Variants in KLRG1 observed in about 807,000 individuals in gnomAD.
KLRG1 encodes killer cell lectin-like receptor subfamily G member 1.
Under a neutral mutation model 21.8 loss-of-function variants are expected in KLRG1, and 16 were observed. The observed-to-expected ratio is 0.73, with a 90% CI of 0.50 to 1.11. The LOEUF (loss-of-function observed/expected upper bound fraction) is 1.11. Among genes scored for constraint, KLRG1 ranks in the 50% most tolerant of loss-of-function variants. The pLI is 0.00. For missense variants in KLRG1, 173 were observed against 218.3 expected, an observed-to-expected ratio of 0.79 and a Z score of 1.31; for synonymous variants, 69 against 75.9, an observed-to-expected ratio of 0.91 and a Z score of 0.47.
the KLRG1 span, among the ~76,000 whole-genome samples, chr12:9,045,282 G>A: frequency 6.6e-6 from 1 of 152,136 alleles, no homozygotes. Context: ...TCGGACCTGT[G>A]AGGCTTAGAT....
At chr12:9,068,905 T>G in the KLRG1 span, 3 of 1,221,876 alleles carry the variant, frequency 2.5e-6, no homozygotes, top group South Asian at 3.0e-5. Context: ...TGAATTAGTT[T>G]AAGTATTCAC....
chr12:9,031,160 G>A, the KLRG1 span, among the ~76,000 whole-genome samples: 1 of 152,172 alleles, frequency 6.6e-6, no homozygotes, highest in Non-Finnish European at 1.5e-5. Flanking sequence ...GGTCACCCAG[G>A]GGCACCTTTA....
the KLRG1 span, chr12:9,192,415 G>T: frequency 7.8e-7 from 1 of 1,289,966 alleles, no homozygotes. Flanking sequence ...AACACAAGGT[G>T]GCTGTGTGCA....
At chr12:9,115,912 C>T in the KLRG1 span, 1 of 1,409,822 alleles carries the variant, frequency 7.1e-7, no homozygotes, top group South Asian at 1.2e-5. Flanking sequence ...TACAATCCAT[C>T]TGGTCCCAAA....
the KLRG1 span, among the ~76,000 whole-genome samples, chr12:9,094,340 C>CATATATATATATAT: frequency 8.2e-5 from 8 of 97,024 alleles, no homozygotes; most frequent in South Asian, 4.0e-4. Context: ...AAAAATTGTG[C>CATATATATATATAT]ATATATATAT....
the KLRG1 span, chr12:9,157,094 A>G: frequency 3.5e-5 from 48 of 1,381,080 alleles, 2 homozygotes; most frequent in South Asian, 6.1e-4. Flanking sequence ...CGCACCTCCC[A>G]GACAGGCCCC....
chr12:9,104,449 C>A, the KLRG1 span: 1 of 1,517,934 alleles, frequency 6.6e-7, no homozygotes, highest in African/African-American at 1.4e-5. Flanking sequence ...AACTAATAGG[C>A]ACCAAACATA....
chr12:9,090,781 C>T, the KLRG1 span, among the ~76,000 whole-genome samples: 5 of 152,212 alleles, frequency 3.3e-5, no homozygotes, highest in East Asian at 1.9e-4. Context: ...ACCATTCCCC[C>T]GGATCTCCCG....
At chr12:9,135,250 A>G in the KLRG1 span, 1 of 257,916 alleles carries the variant, frequency 3.9e-6, no homozygotes. Context: ...GAAAAGCCAT[A>G]CAAAAGATCA....
the KLRG1 span, chr12:9,192,096 G>A: frequency 9.6e-7 from 1 of 1,037,028 alleles, no homozygotes; most frequent in Non-Finnish European, 1.5e-6. Flanking sequence ...TTATTGTGAA[G>A]GGATGATGGA....
the KLRG1 span, chr12:9,089,120 G>T: frequency 8.9e-7 from 1 of 1,119,184 alleles, no homozygotes; most frequent in Non-Finnish European, 1.3e-6. Context: ...CAGAGAAAGT[G>T]TAGGAATAAT....
chr12:9,176,997 T>C, the KLRG1 span, among the ~76,000 whole-genome samples: 1 of 152,154 alleles, frequency 6.6e-6, no homozygotes. Context: ...GAGGATCGAG[T>C]ATATTTTACA....
At chr12:9,016,705 T>G in the KLRG1 span, among the ~76,000 whole-genome samples, 1 of 152,142 alleles carries the variant, frequency 6.6e-6, no homozygotes, top group Non-Finnish European at 1.5e-5. Context: ...CTCTGCCTCC[T>G]GGGTTCAAGT....
At chr12:9,193,182 TATC>T in the KLRG1 span, among the ~76,000 whole-genome samples, 1 of 152,230 alleles carries the variant, frequency 6.6e-6, no homozygotes, top group African/African-American at 2.4e-5. Flanking sequence ...TTATGCCTCT[TATC>T]ATTATTGTGA....
At chr12:9,174,360 A>G in the KLRG1 span, among the ~76,000 whole-genome samples, 1 of 152,180 alleles carries the variant, frequency 6.6e-6, no homozygotes, top group African/African-American at 2.4e-5. Flanking sequence ...CACACAGCCA[A>G]TATCATACTG....
At chr12:9,169,390 A>C in the KLRG1 span, 2 of 1,502,652 alleles carry the variant, frequency 1.3e-6, no homozygotes, top group Admixed American at 2.1e-5. Flanking sequence ...ACATTCAAAA[A>C]CTCACAAGCC....
chr12:9,124,690 C>A, the KLRG1 span, among the ~76,000 whole-genome samples: 1 of 152,208 alleles, frequency 6.6e-6, no homozygotes, highest in Admixed American at 6.5e-5. Flanking sequence ...CTCGACCCTG[C>A]AGGCTCAGGG....
At chr12:9,115,827 T>G in the KLRG1 span, 2 of 1,613,414 alleles carry the variant, frequency 1.2e-6, no homozygotes, top group Non-Finnish European at 1.7e-6. Flanking sequence ...CAGACTTGGA[T>G]GAAGGAGTTT....
the KLRG1 span, among the ~76,000 whole-genome samples, chr12:9,117,939 A>C: frequency 6.6e-6 from 1 of 152,102 alleles, no homozygotes; most frequent in Non-Finnish European, 1.5e-5. Flanking sequence ...TTATACTTAC[A>C]ACATAGATCA....
Sources: allele counts gnomAD v4.1 joint callset (sites outside exome capture counted in the v4.1 genomes callset), GRCh38; gene constraint gnomAD v4.1.1; transcripts MANE v1.5; gene names NCBI Gene and HGNC (gene_info 2026-07-23, HGNC 2026-07-21).